ALPK1: variants seen among roughly 807,000 people sequenced by gnomAD.
ALPK1 encodes alpha kinase 1, also known as alpha-protein kinase 1.
In ALPK1, 110 loss-of-function variants were observed where a neutral mutation model predicts 120.6. The ratio of observed to expected loss-of-function variants is 0.91; its 90% CI spans 0.78 to 1.07. ALPK1 has a LOEUF of 1.07. Among genes scored for constraint, ALPK1 ranks in the 50% least tolerant of loss-of-function variants. The pLI, the probability that ALPK1 is intolerant of heterozygous loss-of-function variation, is 0.00. For synonymous variants in ALPK1, 582 were observed against 560.3 expected (o/e 1.04, Z -0.55); for missense variants, 1,498 against 1,483.9 (o/e 1.01, Z -0.16).
chr4:112,402,409 C>G (rs1363316929), intron 4 of ALPK1, among the ~76,000 whole-genome samples: 1 of 152,244 alleles, frequency 6.6e-6, no homozygotes, highest in African/African-American at 2.4e-5. Context: ...ACAGCACACA[C>G]TTTTCCTTGC....
At chr4:112,412,522 A>G (rs1733532748) in intron 5 of ALPK1, 1 of 437,310 alleles carries the variant, frequency 2.3e-6, no homozygotes, top group Non-Finnish European at 4.5e-6. Flanking sequence ...TTAGGTCTTA[A>G]AGTATCTTTT....
intron 1 of ALPK1, among the ~76,000 whole-genome samples, chr4:112,313,616 G>A (rs189511018): frequency 1.2e-4 from 18 of 152,288 alleles, no homozygotes; most frequent in Non-Finnish European, 2.4e-4. Flanking sequence ...CCAGCTACTT[G>A]GGAGGCTGAG....
chr4:112,359,508 C>A, intron 2 of ALPK1: 1 of 262,532 alleles, frequency 3.8e-6, no homozygotes, highest in East Asian at 9.2e-5. Context: ...CCAGCCCAAC[C>A]CAGGCATGGA....
At chr4:112,369,778 G>A (rs554421333) in intron 2 of ALPK1, among the ~76,000 whole-genome samples, 7 of 152,274 alleles carry the variant, frequency 4.6e-5, no homozygotes, top group African/African-American at 1.7e-4. Flanking sequence ...TCTAACCAAG[G>A]GTTAATTGAA....
rs766038318 is a variant in ALPK1 at position 112,431,088 on chromosome 4, G to A, written c.1541G>A (p.Arg514Lys). ...STTQEKPHCQ[R>K]DTGISSSLMG... ...ACTCAAGAAAAGCCACATTGTCAAA[G>A]AGACACAGGAATATCTTCCTCCCTA... Residue 514 changes from arginine to lysine, a missense_variant, in exon 11 of 16, where the codon AGA becomes AAA. Physicochemically the swap from Arg to Lys is conservative, Grantham distance 26 (BLOSUM62 2). Transcript: ENST00000650871. The A allele has an allele frequency of 6.2e-7, 1 of 1,614,222 alleles. No homozygotes were observed. Among genetic ancestry groups the A allele is most frequent in the African/African-American group, 1.3e-5 (1 of 75,052 alleles).
Position 112,388,337 on chromosome 4 carries a change from G to A in ALPK1, c.276+5785G>A, listed in dbSNP as rs562681709. On this transcript the variant is annotated intron_variant, in intron 4 of 15. Coordinates refer to ENST00000650871, the MANE Select transcript of ALPK1 (RefSeq NM_025144.4). ...TGACTAACTCGTGAGCTCAGGGGAT[G>A]GAGGAGAGACTTTAGCAAAAGAAAG... Among the ~76,000 whole-genome samples the A allele has an allele frequency of 3.9e-4, 60 of 152,260 alleles. 1 individual carries two copies. The highest frequency in any genetic ancestry group is 1.3e-3 in the African/African-American group (56 of 41,552).
Position 112,431,543 on chromosome 4 carries a change from C to T in ALPK1, c.1996C>T (p.Gln666Ter). 1 of 1,614,214 alleles carries T rather than the reference C, an allele frequency of 6.2e-7. No individual in the cohort carries two copies. Among genetic ancestry groups the T allele is most frequent in the Non-Finnish European group, 8.5e-7 (1 of 1,180,036 alleles). The change falls in exon 11 of 16, where the codon CAG (glutamine) becomes TAG (stop). Residue 666 changes from glutamine (Q) to a stop codon, truncating the protein, a stop_gained. Transcript: ENST00000650871. LOFTEE classifies it high-confidence loss of function. ...TTTGGAGCCTTCTCAAAATCAGCCACAGCAACAGATGCCCTTGACACCCTT... is the reference window on the plus strand; with the variant it reads ...TTTGGAGCCTTCTCAAAATCAGCCATAGCAACAGATGCCCTTGACACCCTT... ...DNLEPSQNQP[Q>*]QQMPLTPFSP...
chr4:112,411,904 G>A lies in ALPK1; in HGVS notation c.354G>A (p.Leu118=). Residue 118 remains leucine (L), a synonymous_variant, in exon 5 of 16, where the codon CTG becomes CTA. Transcript: ENST00000650871. ...AAIVFLVDRF[L]YGLDVSGKLL... is the part of the protein sequence containing the mutation. ...TTGTGTTCTTGGTGGACCGGTTCCT[G>A]TATGGGCTCGACGTCTCTGGAAAAC... The A allele has an allele frequency of 6.2e-7, 1 of 1,614,136 alleles. No individual in the cohort carries two copies. Among genetic ancestry groups the A allele is most frequent in the Non-Finnish European group, 8.5e-7 (1 of 1,180,032 alleles).
rs188113368 is a variant in ALPK1 at position 112,376,756 on chromosome 4, T to C, written c.-100-922T>C. Among the ~76,000 whole-genome samples the C allele has an allele frequency of 2.6e-5, 4 of 152,340 alleles. No individual in the cohort carries two copies. In the East Asian group the frequency reaches 7.7e-4, roughly 29 times the overall value. On this transcript the variant is annotated intron_variant, in intron 2 of 15. Transcript: ENST00000650871. ...TCTGTTACTTTCTTCCCTTTCAGAC[T>C]CTCTTGCTTTTGGTAATAAAATTCT...
chr4:112,321,141 C>T (rs1241314360), intron 2 of ALPK1, among the ~76,000 whole-genome samples: 1 of 152,086 alleles, frequency 6.6e-6, no homozygotes, highest in African/African-American at 2.4e-5. Flanking sequence ...TCATGATCCT[C>T]CCGCCTAGGA....
intron 10 of ALPK1, among the ~76,000 whole-genome samples, chr4:112,429,839 CAAA>C (rs756983786): frequency 2.5e-5 from 1 of 40,112 alleles, no homozygotes; most frequent in Non-Finnish European, 4.9e-5. Context: ...GACCCTACCT[CAAA>C]AAAAAAAAAA....
chr4:112,386,538 G>A (rs1222236764), intron 4 of ALPK1, among the ~76,000 whole-genome samples: 2 of 152,240 alleles, frequency 1.3e-5, no homozygotes, highest in African/African-American at 2.4e-5. Context: ...AGCATATCAC[G>A]GGGTCACAGG....
chr4:112,312,790 A>T (rs753044082), intron 1 of ALPK1, among the ~76,000 whole-genome samples: 2 of 152,230 alleles, frequency 1.3e-5, no homozygotes, highest in Non-Finnish European at 2.9e-5. Flanking sequence ...AGGTTTCAGA[A>T]GTCCCACAGT....
chr4:112,388,623 C>CA (rs11409574), intron 4 of ALPK1, among the ~76,000 whole-genome samples: 5,886 of 128,510 alleles, frequency 0.046, 164 homozygotes, highest in Non-Finnish European at 0.068. Context: ...CATCAAGTTG[C>CA]AAAAAAAAAA....
rs1345135147 is a variant in ALPK1, at chr4:112,441,496, T to A, written c.*286T>A. ...GAAAGGCATGTGTTGTTTAAGCCAT[T>A]GAGATTTTAGAGCTTTTTGTCACTA... On this transcript the variant is annotated 3_prime_UTR_variant, in exon 16 of 16. Transcript: ENST00000650871. 9.3e-6 allele frequency: 4 copies of A among 430,636 alleles called. No individual in the cohort carries two copies. In the Admixed American group the frequency reaches 1.6e-4, roughly 17 times the overall value. 26.7% of individuals were successfully genotyped at this position (430,636 alleles called of 1,614,324 possible).
chr4:112,438,643 A>T lies in ALPK1; in HGVS notation c.3348A>T (p.Leu1116=), dbSNP rs758926218. The T allele has an allele frequency of 6.2e-7, 1 of 1,613,124 alleles. No individual in the cohort carries two copies. Among genetic ancestry groups the T allele is most frequent in the African/African-American group, 1.3e-5 (1 of 74,898 alleles). The change falls in exon 13 of 16, where the codon CTA becomes CTT. Residue 1116 remains leucine (L), a synonymous_variant. Transcript: ENST00000650871. The stretch of plus-strand genomic sequence containing the variant: ...TATTCTACATCCCATCCACAATACT[A>T]CTGGTAAGATTATCCTGAACACATC... The part of the protein sequence containing the change: ...TQIFYIPSTI[L]LILEDKTIKG...
intron 4 of ALPK1, among the ~76,000 whole-genome samples, chr4:112,395,369 T>C (rs141230854): frequency 2.0e-4 from 30 of 152,340 alleles, no homozygotes; most frequent in African/African-American, 7.2e-4. Context: ...CTCAACAAAT[T>C]CATAGATTTT....
At chr4:112,364,317 G>A (rs180711494) in intron 2 of ALPK1, among the ~76,000 whole-genome samples, 4 of 151,808 alleles carry the variant, frequency 2.6e-5, no homozygotes, top group Non-Finnish European at 4.4e-5. Flanking sequence ...GACCATTAGT[G>A]AGTTAACCAA....
Position 112,418,212 on chromosome 4 carries a change from C to T in ALPK1, c.476-5732C>T, listed in dbSNP as rs527243333. On this transcript the variant is annotated intron_variant, in intron 5 of 15. Coordinates refer to ENST00000650871, the MANE Select transcript of ALPK1 (RefSeq NM_025144.4). Reference sequence around the variant, plus strand: ...GAGAAGGCACAGACATGGCTCGCCGCGTGGCAGAGAAGTCACCAAGGTTCC... The same window carrying T: ...GAGAAGGCACAGACATGGCTCGCCGTGTGGCAGAGAAGTCACCAAGGTTCC... Among the ~76,000 whole-genome samples the T allele has an allele frequency of 1.3e-3, 191 of 152,320 alleles. 7 individuals are homozygous for T. The South Asian group carries it at 0.038, about 30-fold the overall frequency.
Sources: gnomAD v4.1 joint callset for allele counts (sites outside exome capture counted in the v4.1 genomes callset) on GRCh38, gnomAD v4.1.1 for gene constraint, MANE v1.5 for transcripts, NCBI Gene and HGNC (gene_info 2026-07-23, HGNC 2026-07-21) for gene names.